ABCF2: variants seen among roughly 807,000 people sequenced by gnomAD.
ABCF2 encodes the protein ATP-binding cassette sub-family F member 2.
A neutral mutation model predicts 76.9 loss-of-function variants in ABCF2; 37 were observed. That is an observed-to-expected ratio of 0.48 (90% CI 0.37 to 0.63). The LOEUF is 0.63. Ranked by LOEUF, ABCF2 falls within the 30% of genes least tolerant of loss-of-function variation. ABCF2 has a pLI of 0.00. For synonymous variants in ABCF2, 299 were observed against 283.7 expected, an observed-to-expected ratio of 1.05 and a Z score of -0.54; for missense variants, 524 against 782.1, an observed-to-expected ratio of 0.67 and a Z score of 3.94.
At chr7:151,216,449 A>G (rs1802152270) in intron 11 of ABCF2, among the ~76,000 whole-genome samples, 1 of 152,228 alleles carries the variant, frequency 6.6e-6, no homozygotes, top group East Asian at 1.9e-4. Context: ...CCACAGGCTA[A>G]CTGATATAAA....
intron 5 of ABCF2, among the ~76,000 whole-genome samples, 190 bp from the exon 6 acceptor site, chr7:151,222,806 G>A (rs1277337356): frequency 6.6e-6 from 1 of 152,182 alleles, no homozygotes; most frequent in Non-Finnish European, 1.5e-5. Flanking sequence ...AGAAGAGATT[G>A]AAGAGTAGAA....
chr7:151,218,815 T>C lies in ABCF2; in HGVS notation c.1076A>G (p.Lys359Arg). 1.2e-6 allele frequency: 2 copies of C among 1,612,840 alleles called. No individual in the cohort carries two copies. Among genetic ancestry groups the C allele is most frequent in the Non-Finnish European group, 1.7e-6 (2 of 1,179,584 alleles). Residue 359 changes from lysine (K) to arginine (R), a missense_variant, in exon 9 of 15, where the codon AAG becomes AGG. Transcript: ENST00000287844. ...SAKLARQAQS[K>R]EKTLQKMMAS... Reference sequence around the variant, plus strand: ...CATCATTTTCTGTAGCGTCTTCTCCTTGCTCTGGGCCTGCCGGGCCAGCTT... The same window carrying C: ...CATCATTTTCTGTAGCGTCTTCTCCCTGCTCTGGGCCTGCCGGGCCAGCTT...
Position 151,213,213 on chromosome 7 carries a change from G to A in ABCF2, c.*841C>T, listed in dbSNP as rs947474934. 1.0e-6 allele frequency: 1 copy of A among 981,136 alleles called. No individual in the cohort carries two copies. 60.8% of individuals were successfully genotyped at this position (981,136 alleles called of 1,614,324 possible). On this transcript the variant is annotated 3_prime_UTR_variant, in exon 15 of 15. Transcript: ENST00000287844. The stretch of plus-strand genomic sequence containing the variant: ...CTGGAAACTTGCTAGAAATGTTAAC[G>A]TTCTTGGTCTCCCCCAAAACCTATT...
chr7:151,223,553 G>T, intron 5 of ABCF2, 125 bp downstream of exon 5: 1 of 1,129,252 alleles, frequency 8.9e-7, no homozygotes, highest in Non-Finnish European at 1.2e-6. Flanking sequence ...CCTCCACACT[G>T]CAGATGTCCA....
Position 151,221,647 on chromosome 7 carries a change from G to A in ABCF2, c.852C>T (p.Ser284=). Residue 284 remains serine, a synonymous_variant, in exon 7 of 15, where the codon TCC becomes TCT. Transcript: ENST00000287844. ...TACAGACACCATTCAGAAAATCCTG[G>A]GAATGGGAGACGAGGACCAAGATGC... ...FKRILVLVSH[S]QDFLNGVCTN... 2 of 1,612,600 alleles carry A rather than the reference G, an allele frequency of 1.2e-6. No homozygotes were observed. Among genetic ancestry groups the A allele is most frequent in the Non-Finnish European group, 1.7e-6 (2 of 1,178,704 alleles).
In ABCF2 at chr7:151,211,894, C is replaced by T; in HGVS notation, c.*2160G>A. The T allele has an allele frequency of 1.0e-6, 1 of 985,446 alleles. No individual in the cohort carries two copies. The highest frequency in any genetic ancestry group is 1.2e-6 in the Non-Finnish European group (1 of 829,940). 61.0% of individuals were successfully genotyped at this position (985,446 alleles called of 1,614,324 possible). A position where few individuals can be genotyped will look rare whatever the true frequency, so the allele number is the denominator to read the frequency against. ...GCAGTGTCTCACGGGAGGCTCCTGT[C>T]CCTGTTGCCCAGGGCAGCTCCTGGA... On this transcript the variant is annotated 3_prime_UTR_variant, in exon 15 of 15. Coordinates refer to ENST00000287844, the MANE Select transcript of ABCF2 (RefSeq NM_007189.3).
Position 151,218,878 on chromosome 7 carries a change from A to G in ABCF2, c.1018-5T>C, listed in dbSNP as rs1274415040. Reference sequence around the variant, plus strand: ...ACCAAACCTCGCAATGTAGTTCTAAAAAAGACCAAAGAGAGCTTGGAGTAT... The same window carrying G: ...ACCAAACCTCGCAATGTAGTTCTAAGAAAGACCAAAGAGAGCTTGGAGTAT... On this transcript the variant is annotated splice_region_variant and splice_polypyrimidine_tract_variant and intron_variant, in intron 8 of 14. Transcript: ENST00000287844. The G allele has an allele frequency of 6.2e-7, 1 of 1,613,316 alleles. No individual in the cohort carries two copies. Among genetic ancestry groups the G allele is most frequent in the Non-Finnish European group, 8.5e-7 (1 of 1,180,036 alleles).
Position 151,213,397 on chromosome 7 carries a change from C to T in ABCF2, c.*657G>A. ...GTTCTTCCAGCTCCTATGGACTAGT[C>T]TTCAGTTCCCATCGACACACTGACG... On this transcript the variant is annotated 3_prime_UTR_variant, in exon 15 of 15. Transcript: ENST00000287844. 1.0e-6 allele frequency: 1 copy of T among 985,394 alleles called. No homozygotes were observed. The highest frequency in any genetic ancestry group is 1.2e-6 in the Non-Finnish European group (1 of 829,924). The allele number at this position is 985,394 out of a possible 1,614,324, so 61.0% of individuals were successfully genotyped here.
In ABCF2 at chr7:151,215,775, G is replaced by A. The variant is rs757743474; in HGVS notation, c.1402-43C>T. 222 of 1,613,368 alleles carry A rather than the reference G, an allele frequency of 1.4e-4. 1 individual carries two copies. The South Asian group carries it at 1.5e-3, about 11-fold the overall frequency. On this transcript the variant is annotated intron_variant, in intron 12 of 14. Transcript: ENST00000287844. This position sits in a 1 kb window ranked among gnomAD's most constrained non-coding sequence, Gnocchi z 4.6. ...GCCACCCGGGTGTGACTGGCATCCC[G>A]CTTCAAAATAAACCCTACTAGGTAA...
At chr7:151,222,660 G>A in intron 5 of ABCF2, 44 bp from the exon 6 acceptor site, 1 of 1,533,336 alleles carries the variant, frequency 6.5e-7, no homozygotes, top group Non-Finnish European at 9.0e-7. Flanking sequence ...GAATTATAAT[G>A]GATGTGACAC....
At position 151,218,766 on chromosome 7, in the gene ABCF2, G is replaced by C. The variant is rs139539137; in HGVS notation, c.1125C>G (p.Val375=). 11 of 1,610,844 alleles carry C rather than the reference G, an allele frequency of 6.8e-6. No homozygotes were observed. The highest frequency in any genetic ancestry group is 1.7e-5 in the Admixed American group (1 of 59,846). ...KMMASGLTER[V]VSDKTLSFYF... is the part of the protein sequence containing the mutation. ...AATCACACCCCACCTTATCGCTCAC[G>C]ACCCTCTCTGTCAGTCCTGATGCCA... Residue 375 remains valine, a synonymous_variant, in exon 9 of 15, where the codon GTC becomes GTG. Coordinates refer to ENST00000287844, the MANE Select transcript of ABCF2 (RefSeq NM_007189.3).
intron 7 of ABCF2, 150 bp downstream of exon 7, chr7:151,221,428 C>T (rs1345781809): frequency 3.8e-6 from 2 of 527,996 alleles, no homozygotes; most frequent in Non-Finnish European, 6.9e-6. Context: ...TCTCAAACTC[C>T]TGACCTCAAG....
chr7:151,218,207 G>T lies in ABCF2; in HGVS notation c.1228-16C>A. 6.5e-7 allele frequency: 1 copy of T among 1,542,220 alleles called. No individual in the cohort carries two copies. The highest frequency in any genetic ancestry group is 9.0e-7 in the Non-Finnish European group (1 of 1,114,768). On this transcript the variant is annotated splice_polypyrimidine_tract_variant and intron_variant, in intron 10 of 14. Transcript: ENST00000287844. ...AGATGCAAGGCTGAGGTGGGGATGAGAGAGATGTGGACACAAGGCTAGAAT... is the reference window on the plus strand; with the variant it reads ...AGATGCAAGGCTGAGGTGGGGATGATAGAGATGTGGACACAAGGCTAGAAT...
In ABCF2 at chr7:151,223,769, T is replaced by G; in HGVS notation, c.631A>C (p.Ile211Leu). The G allele has an allele frequency of 6.2e-7, 1 of 1,613,926 alleles. No individual in the cohort carries two copies. Among genetic ancestry groups the G allele is most frequent in the Non-Finnish European group, 8.5e-7 (1 of 1,179,932 alleles). Residue 211 changes from isoleucine (I) to leucine (L), a missense_variant, in exon 5 of 15, where the codon ATC (isoleucine) becomes CTC (leucine). Physicochemically the swap from Ile to Leu is conservative, Grantham distance 5. This residue lies in a region of ABCF2 where 330 missense variants were observed against 433.6 expected (regional missense o/e 0.76). Coordinates refer to ENST00000287844, the MANE Select transcript of ABCF2 (RefSeq NM_007189.3). ...ADKAEMRASR[I>L]LHGLGFTPAM... Reference sequence around the variant, plus strand: ...GGTGTGAAACCCAGTCCATGCAAGATCCGCGAGGCCCTCATCTCTGCCTTG... The same window carrying G: ...GGTGTGAAACCCAGTCCATGCAAGAGCCGCGAGGCCCTCATCTCTGCCTTG...
In ABCF2 at chr7:151,222,636, A is replaced by ACAGAAGCACCT. The variant is rs1802294362; in HGVS notation, c.723-31_723-21dup. 1 of 1,598,722 alleles carries ACAGAAGCACCT rather than the reference A, an allele frequency of 6.3e-7. No individual in the cohort carries two copies. Among genetic ancestry groups the ACAGAAGCACCT allele is most frequent in the Admixed American group, 1.7e-5 (1 of 59,726 alleles). On this transcript the variant is annotated intron_variant, in intron 5 of 14. Transcript: ENST00000287844. ...AGGGCTCTGAAGGACGGTAAAGGAG[A>ACAGAAGCACCT]CAGAAGCACCTCAGAATTATAATGG... is the stretch of plus-strand genomic sequence containing the variant.
At chr7:151,216,383 G>A (rs1339647705) in intron 11 of ABCF2, among the ~76,000 whole-genome samples, 1 of 152,164 alleles carries the variant, frequency 6.6e-6, no homozygotes, top group African/African-American at 2.4e-5. Flanking sequence ...CTTAGAAACA[G>A]AACCTATTTT....
chr7:151,219,944 T>C (rs1262676739), intron 7 of ABCF2, among the ~76,000 whole-genome samples: 2 of 151,542 alleles, frequency 1.3e-5, no homozygotes, highest in Non-Finnish European at 2.9e-5. Context: ...ACTAAAAATA[T>C]AAAAATTAGC....
chr7:151,218,003 C>G, intron 11 of ABCF2, 78 bp downstream of exon 11: 1 of 1,076,486 alleles, frequency 9.3e-7, no homozygotes, highest in Non-Finnish European at 1.4e-6. Flanking sequence ...AAAGTAGTAG[C>G]CCCTGCATCA....
chr7:151,219,196 A>G (rs758641731), intron 7 of ABCF2, 37 bp from the exon 8 acceptor site: 2 of 1,578,188 alleles, frequency 1.3e-6, no homozygotes, highest in Non-Finnish European at 1.7e-6. Flanking sequence ...AGGCAGCTTT[A>G]ACCTGGGTTT....
Sources: gnomAD v4.1 joint callset for allele counts (sites outside exome capture counted in the v4.1 genomes callset) on GRCh38, gnomAD v4.1.1 for gene constraint, gnomAD v4.1.1 regional missense constraint, Gnocchi (gnomAD v3.1) non-coding constraint, MANE v1.5 for transcripts, NCBI Gene and HGNC (gene_info 2026-07-23, HGNC 2026-07-21) for gene names.